The following PRDM16 variants were observed in gnomAD, a reference collection of about 807,000 sequenced individuals.
PRDM16 encodes histone-lysine N-methyltransferase PRDM16.
Under a neutral mutation model 110.6 loss-of-function variants are expected in PRDM16, and 23 were observed. That is an observed-to-expected ratio of 0.21 (90% CI 0.15 to 0.29). The LOEUF (loss-of-function observed/expected upper bound fraction) is 0.29, where lower values mean the gene tolerates loss of function less well. Ranked by LOEUF, PRDM16 falls within the 10% of genes least tolerant of loss-of-function variation. The pLI is 1.00. For missense variants in PRDM16, 1,615 were observed against 1,794.3 expected (o/e 0.90, Z 1.81); for synonymous variants, 799 against 781.8 (o/e 1.02, Z -0.37).
At chr1:3,428,589 G>A (rs968833919) in intron 14 of PRDM16, among the ~76,000 whole-genome samples, 1 of 152,230 alleles carries the variant, frequency 6.6e-6, no homozygotes, top group Non-Finnish European at 1.5e-5. Context: ...TGACGAAAAT[G>A]AGAACAGGGC....
At chr1:3,276,654 G>A (rs569723714) in intron 3 of PRDM16, among the ~76,000 whole-genome samples, 2 of 152,394 alleles carry the variant, frequency 1.3e-5, no homozygotes, top group East Asian at 1.9e-4. Flanking sequence ...TCAGCTCGTC[G>A]GCCCCAGCCA....
At chr1:3,155,957 T>A (rs896999754) in intron 1 of PRDM16, among the ~76,000 whole-genome samples, 2 of 152,226 alleles carry the variant, frequency 1.3e-5, no homozygotes, top group Non-Finnish European at 2.9e-5. Flanking sequence ...TAAAATATTG[T>A]CTTTGCCTTT....
rs569594547 is a variant in PRDM16 at position 3,197,716 on chromosome 1, G to A, written c.387+11242G>A. Among the ~76,000 whole-genome samples, 31 of 152,346 alleles carry A rather than the reference G, an allele frequency of 2.0e-4. No homozygotes were observed. The East Asian group carries it at 6.0e-3, about 29-fold the overall frequency. ...GGGGAGGGCGGCCCCTCCTGAGGGT[G>A]GGCGGCTGTGGCCTGGCGGCTCCCT... On this transcript the variant is annotated intron_variant, in intron 2 of 16. Transcript: ENST00000270722.
In PRDM16 at chr1:3,437,843, C is replaced by T. The variant is rs1055869721; in HGVS notation, c.*4032C>T. 9 of 216,732 alleles carry T rather than the reference C, an allele frequency of 4.2e-5. No individual in the cohort carries two copies. Among genetic ancestry groups the T allele is most frequent in the African/African-American group, 1.4e-4 (6 of 44,418 alleles). 13.4% of individuals were successfully genotyped at this position (216,732 alleles called of 1,614,324 possible). A position where few individuals can be genotyped will look rare whatever the true frequency, so the allele number is the denominator to read the frequency against. On this transcript the variant is annotated 3_prime_UTR_variant, in exon 17 of 17. Coordinates refer to ENST00000270722, the MANE Select transcript of PRDM16 (RefSeq NM_022114.4). ...AAGTCATTCTAACAATTGCCTTCAG[C>T]GTCACGTGCATTGCCACTGCGCTTT...
intron 3 of PRDM16, among the ~76,000 whole-genome samples, chr1:3,281,836 G>A (rs1317509721): frequency 6.6e-6 from 1 of 152,262 alleles, no homozygotes; most frequent in Non-Finnish European, 1.5e-5. Context: ...GGAAACCAGG[G>A]ATAAGGAGCA....
rs1640278693 is a variant in PRDM16, at chr1:3,265,934, A to G, written c.438+21797A>G. Among the ~76,000 whole-genome samples, 1 of 151,980 alleles carries G rather than the reference A, an allele frequency of 6.6e-6. No individual in the cohort carries two copies. The highest frequency in any genetic ancestry group is 6.5e-5 in the Admixed American group (1 of 15,276). On this transcript the variant is annotated intron_variant, in intron 3 of 16. Transcript: ENST00000270722. The surrounding 1 kb of genome is among the most constrained non-coding windows in gnomAD (Gnocchi z 4.5). ...GGGTTCCTTGGTGCGTGTCTCATAAAGCCCAGGAGGGCGAGGCCAGGCCCA... is the reference window on the plus strand; with the variant it reads ...GGGTTCCTTGGTGCGTGTCTCATAAGGCCCAGGAGGGCGAGGCCAGGCCCA...
intron 3 of PRDM16, among the ~76,000 whole-genome samples, chr1:3,347,489 C>T (rs1642384567): frequency 6.6e-6 from 1 of 152,198 alleles, no homozygotes; most frequent in African/African-American, 2.4e-5. Context: ...GCGTCTGGTC[C>T]CAGGCAGGCT....
At chr1:3,296,481 G>C (rs1057372153) in intron 3 of PRDM16, among the ~76,000 whole-genome samples, 6 of 152,260 alleles carry the variant, frequency 3.9e-5, no homozygotes, top group African/African-American at 1.4e-4. Context: ...CAGTGGAGGA[G>C]GCGAGAGGCT....
chr1:3,435,917 G>A lies in PRDM16; in HGVS notation c.*2106G>A, dbSNP rs1038384154. 36 of 231,434 alleles carry A rather than the reference G, an allele frequency of 1.6e-4. No homozygotes were observed. The highest frequency in any genetic ancestry group is 6.6e-4 in the African/African-American group (30 of 45,354). The allele number at this position is 231,434 out of a possible 1,614,324, so 14.3% of individuals were successfully genotyped here. ...CAAGACAGGACCCACCTGTGCGTGC[G>A]CTGGGGCCATGGGGTGGCCCCGCCG... On this transcript the variant is annotated 3_prime_UTR_variant, in exon 17 of 17. Transcript: ENST00000270722.
At chr1:3,100,640 C>T (rs537642200) in intron 1 of PRDM16, among the ~76,000 whole-genome samples, 2 of 152,308 alleles carry the variant, frequency 1.3e-5, no homozygotes, top group East Asian at 3.9e-4. Flanking sequence ...GACGCTGCCG[C>T]CTGGAGCCCC....
At chr1:3,114,411 C>A (rs1383919748) in intron 1 of PRDM16, among the ~76,000 whole-genome samples, 3 of 125,360 alleles carry the variant, frequency 2.4e-5, no homozygotes, top group Non-Finnish European at 4.7e-5. Flanking sequence ...CACACACACG[C>A]ACACACATGC....
chr1:3,220,474 G>A lies in PRDM16; in HGVS notation c.388-23613G>A, dbSNP rs369955484. ...GCACAGGTTGGGGCAACATTGGGTC[G>A]GCAGGGCTGAGAAAGCCAAGACCTG... On this transcript the variant is annotated intron_variant, in intron 2 of 16. Transcript: ENST00000270722. Among the ~76,000 whole-genome samples, 48 of 152,326 alleles carry A rather than the reference G, an allele frequency of 3.2e-4. 1 individual carries two copies. In the South Asian group the frequency reaches 7.7e-3, roughly 24 times the overall value.
chr1:3,110,141 G>A (rs1460079741), intron 1 of PRDM16, among the ~76,000 whole-genome samples: 7 of 147,076 alleles, frequency 4.8e-5, no homozygotes, highest in East Asian at 2.1e-4. Flanking sequence ...CAGTGTCTGC[G>A]GCTCCCCCAT....
At chr1:3,400,450 T>G (rs1271284713) in intron 5 of PRDM16, among the ~76,000 whole-genome samples, 1 of 152,166 alleles carries the variant, frequency 6.6e-6, no homozygotes, top group Non-Finnish European at 1.5e-5. Flanking sequence ...TTTTGTAGAC[T>G]TCTAGGGTGA....
rs772181142 is a variant in PRDM16, at chr1:3,358,067, C to T, written c.439-27085C>T. 1.1e-4 allele frequency among the ~76,000 whole-genome samples: 16 copies of T among 152,234 alleles called. 1 individual carries two copies. The highest frequency in any genetic ancestry group is 6.5e-5 in the Admixed American group (1 of 15,292). ...CACTGAAGGAGGCTGCCCTGGCTAACGGCGGTGCCCAGTGGCCTGGCCTCA... is the reference window on the plus strand; with the variant it reads ...CACTGAAGGAGGCTGCCCTGGCTAATGGCGGTGCCCAGTGGCCTGGCCTCA... On this transcript the variant is annotated intron_variant, in intron 3 of 16. Coordinates refer to ENST00000270722, the MANE Select transcript of PRDM16 (RefSeq NM_022114.4). This position sits in a 1 kb window ranked among gnomAD's most constrained non-coding sequence, Gnocchi z 4.0.
intron 2 of PRDM16, among the ~76,000 whole-genome samples, chr1:3,187,395 G>A (rs940583849): frequency 1.3e-5 from 2 of 152,198 alleles, no homozygotes; most frequent in African/African-American, 4.8e-5. Context: ...CTCCTCATGG[G>A]CAAATGGCCT....
chr1:3,336,422 ATG>A (rs754138909), intron 3 of PRDM16, among the ~76,000 whole-genome samples: 74 of 148,970 alleles, frequency 5.0e-4, no homozygotes, highest in Non-Finnish European at 8.2e-4. Flanking sequence ...GTGTCTGTGC[ATG>A]TGTGTTTGCA....
intron 1 of PRDM16, among the ~76,000 whole-genome samples, chr1:3,099,847 T>C (rs1642491632): frequency 6.6e-6 from 1 of 151,774 alleles, no homozygotes; most frequent in Non-Finnish European, 1.5e-5. Flanking sequence ...TGGGAGTGGG[T>C]GAGATGGCGC....
rs1489995523 is a variant in PRDM16, at chr1:3,283,929, G to T, written c.438+39792G>T. 2.6e-5 allele frequency among the ~76,000 whole-genome samples: 4 copies of T among 152,336 alleles called. No homozygotes were observed. In the East Asian group the frequency reaches 5.8e-4, roughly 22 times the overall value. ...CGCGGGAGGAATGTGGCTCAGATTC[G>T]GGGGACCGGTGCGCGGTGTGTCCAG... On this transcript the variant is annotated intron_variant, in intron 3 of 16. Transcript: ENST00000270722.
Sources: gnomAD v4.1 joint callset for allele counts (sites outside exome capture counted in the v4.1 genomes callset) on GRCh38, gnomAD v4.1.1 for gene constraint, Gnocchi (gnomAD v3.1) non-coding constraint, MANE v1.5 for transcripts, NCBI Gene and HGNC (gene_info 2026-07-23, HGNC 2026-07-21) for gene names.